The following ITPRIP variants were observed in gnomAD, a reference collection of about 807,000 sequenced individuals.
ITPRIP encodes inositol 1,4,5-trisphosphate receptor-interacting protein.
ITPRIP carries 32 observed loss-of-function variants against 35.8 expected under a neutral mutation model. That is an observed-to-expected ratio of 0.89 (90% CI 0.68 to 1.20). ITPRIP has a LOEUF of 1.20. Among genes scored for constraint, ITPRIP ranks in the 50% most tolerant of loss-of-function variants. The pLI is 0.00. For synonymous variants in ITPRIP, 358 were observed against 324.0 expected, an observed-to-expected ratio of 1.11 and a Z score of -1.13; for missense variants, 653 against 735.6, an observed-to-expected ratio of 0.89 and a Z score of 1.30.
chr10:104,322,937 A>G (rs1324914726), intron 1 of ITPRIP, among the ~76,000 whole-genome samples: 3 of 152,196 alleles, frequency 2.0e-5, no homozygotes, highest in African/African-American at 7.2e-5. Context: ...CTCCTTCTGT[A>G]TCCTGGCCTT....
rs759332872 is a variant in ITPRIP at position 104,314,833 on chromosome 10, T to G, written c.1219A>C (p.Ser407Arg). 1 of 1,613,770 alleles carries G rather than the reference T, an allele frequency of 6.2e-7. No homozygotes were observed. Among genetic ancestry groups the G allele is most frequent in the East Asian group, 2.2e-5 (1 of 44,876 alleles). Residue 407 changes from serine (S) to arginine (R), a missense_variant, in exon 2 of 2, where the codon AGC (serine) becomes CGC (arginine). Coordinates refer to ENST00000337478, the MANE Select transcript of ITPRIP (RefSeq NM_001272013.2). The stretch of plus-strand genomic sequence containing the variant: ...AGGAAGGATGCTATCTGCAGGCAGC[T>G]GAGGTGGCAGGCGCCCTCGGGCAGT... ...KALPEGACHL[S>R]CLQIASFLLS...
rs1040908069 is a variant in ITPRIP, at chr10:104,310,195, C to T, written c.*4213G>A. 1.3e-5 allele frequency: 2 copies of T among 152,332 alleles called. No individual in the cohort carries two copies. The highest frequency in any genetic ancestry group is 2.9e-5 in the Non-Finnish European group (2 of 68,136). 9.4% of individuals were successfully genotyped at this position (152,332 alleles called of 1,614,324 possible). ...ACCACGAAAATGTTCTGAATCACAGCCTTGGGGTGGCTTGAGTTAAGACTT... is the reference window on the plus strand; with the variant it reads ...ACCACGAAAATGTTCTGAATCACAGTCTTGGGGTGGCTTGAGTTAAGACTT... On this transcript the variant is annotated 3_prime_UTR_variant, in exon 2 of 2. Transcript: ENST00000337478.
At chr10:104,330,555 C>T (rs150679727) in intron 1 of ITPRIP, among the ~76,000 whole-genome samples, 2 of 152,312 alleles carry the variant, frequency 1.3e-5, no homozygotes, top group African/African-American at 4.8e-5. Flanking sequence ...TCCCTTCTTG[C>T]TCAAGCTTCT....
rs2013607101 is a variant in ITPRIP, at chr10:104,314,983, A to G, written c.1069T>C (p.Ser357Pro). ...NLIPVIQCDD[S>P]DLYFVSHLPR... ...AGGTGGGAGACAAAGTACAGGTCCG[A>G]GTCATCACACTGGATCACAGGAATC... Residue 357 changes from serine to proline, a missense_variant, in exon 2 of 2, where the codon TCG (serine) becomes CCG (proline). By Grantham distance (74) the Ser-to-Pro change is moderately conservative. Coordinates refer to ENST00000337478, the MANE Select transcript of ITPRIP (RefSeq NM_001272013.2). The G allele has an allele frequency of 6.2e-7, 1 of 1,613,982 alleles. No homozygotes were observed. Among genetic ancestry groups the G allele is most frequent in the East Asian group, 2.2e-5 (1 of 44,866 alleles).
chr10:104,331,760 G>T (rs2014155646), intron 1 of ITPRIP, among the ~76,000 whole-genome samples: 1 of 152,204 alleles, frequency 6.6e-6, no homozygotes, highest in African/African-American at 2.4e-5. Context: ...AACAGTGCTG[G>T]AAGGGAAAGC....
rs1395973795 is a variant in ITPRIP, at chr10:104,333,860, G to A, written c.-14+4386C>T. 1 of 152,746 alleles carries A rather than the reference G, an allele frequency of 6.5e-6. No homozygotes were observed. Among genetic ancestry groups the A allele is most frequent in the African/African-American group, 2.4e-5 (1 of 41,470 alleles). 9.5% of individuals were successfully genotyped at this position (152,746 alleles called of 1,614,324 possible). A position where few individuals can be genotyped will look rare whatever the true frequency, so the allele number is the denominator to read the frequency against. ...GGGGAAGTTGGGGCCCAAGTCGGCA[G>A]AGAATGCAGACCTCCAACCGACCTC... On this transcript the variant is annotated intron_variant, in intron 1 of 1. Coordinates refer to ENST00000337478, the MANE Select transcript of ITPRIP (RefSeq NM_001272013.2). The surrounding 1 kb of genome is among the most constrained non-coding windows in gnomAD (Gnocchi z 4.1).
chr10:104,314,738 C>T lies in ITPRIP; in HGVS notation c.1314G>A (p.Leu438=). 2 of 1,613,768 alleles carry T rather than the reference C, an allele frequency of 1.2e-6. No individual in the cohort carries two copies. The highest frequency in any genetic ancestry group is 1.7e-6 in the Non-Finnish European group (2 of 1,179,918). ...CGGCCTGCCGGAGGAGTAGGAGGTG[C>T]AGTAGGGCCGTCTTCAGGTGGTAGC... ...LSSYHLKTAL[L]HLLLLRQAAD... Residue 438 remains leucine, a synonymous_variant, in exon 2 of 2, where the codon CTG becomes CTA. Coordinates refer to ENST00000337478, the MANE Select transcript of ITPRIP (RefSeq NM_001272013.2).
At chr10:104,327,727 G>C (rs1315661941) in intron 1 of ITPRIP, among the ~76,000 whole-genome samples, 1 of 152,200 alleles carries the variant, frequency 6.6e-6, no homozygotes, top group Non-Finnish European at 1.5e-5. Flanking sequence ...CCCAACTGAG[G>C]CTGGTCCCAT....
chr10:104,337,625 A>G (rs910674982), intron 1 of ITPRIP, among the ~76,000 whole-genome samples: 2 of 152,116 alleles, frequency 1.3e-5, no homozygotes, highest in Non-Finnish European at 2.9e-5. Context: ...GTGAAGGGGC[A>G]GAGAGTTATT....
In ITPRIP at chr10:104,315,343, G is replaced by A. The variant is rs565040749; in HGVS notation, c.709C>T (p.Arg237Cys). The change falls in exon 2 of 2, where the codon CGC becomes TGC. Residue 237 changes from arginine (R) to cysteine (C), a missense_variant. Physicochemically the swap from Arg to Cys is radical, Grantham distance 180. Transcript: ENST00000337478. The surrounding 1 kb of genome is among the most constrained non-coding windows in gnomAD (Gnocchi z 5.7). ...WCSGRSVPLD[R>C]QGYGQIKVVR... ...ACCTTGATCTGGCCGTAGCCCTGGC[G>A]ATCCAGGGGCACTGAGCGGCCGGAG... is the stretch of plus-strand genomic sequence containing the variant. The A allele has an allele frequency of 3.8e-6, 6 of 1,563,152 alleles. No individual in the cohort carries two copies. The highest frequency in any genetic ancestry group is 2.4e-5 in the South Asian group (2 of 82,726).
chr10:104,326,237 C>T lies in ITPRIP; in HGVS notation c.-13-10173G>A, dbSNP rs988926514. The stretch of plus-strand genomic sequence containing the variant: ...GGTGGTCTGCCAGCCAGCAGAGGCA[C>T]AGGAAGGACAGAGGGCTGGACTCTG... On this transcript the variant is annotated intron_variant, in intron 1 of 1. Coordinates refer to ENST00000337478, the MANE Select transcript of ITPRIP (RefSeq NM_001272013.2). This position sits in a 1 kb window ranked among gnomAD's most constrained non-coding sequence, Gnocchi z 4.8. 4.6e-5 allele frequency: 7 copies of T among 152,398 alleles called. No individual in the cohort carries two copies. The highest frequency in any genetic ancestry group is 6.5e-5 in the Admixed American group (1 of 15,306). The allele number at this position is 152,398 out of a possible 1,614,324, so 9.4% of individuals were successfully genotyped here.
intron 1 of ITPRIP, among the ~76,000 whole-genome samples, chr10:104,316,282 G>C (rs992005619): frequency 6.6e-6 from 1 of 152,108 alleles, no homozygotes; most frequent in African/African-American, 2.4e-5. Flanking sequence ...GTCCTACCCA[G>C]ACATTCCTGG....
rs537256083 is a variant in ITPRIP, at chr10:104,314,851, C to T, written c.1201G>A (p.Glu401Lys). The change falls in exon 2 of 2, where the codon GAG becomes AAG. Residue 401 changes from glutamate to lysine, a missense_variant. Glu to Lys is a moderately conservative substitution (Grantham distance 56). Coordinates refer to ENST00000337478, the MANE Select transcript of ITPRIP (RefSeq NM_001272013.2). ...FLRTTLKALP[E>K]GACHLSCLQI... ...AGGCAGCTGAGGTGGCAGGCGCCCT[C>T]GGGCAGTGCCTTTAGTGTCGTCCTG... is the stretch of plus-strand genomic sequence containing the variant. 2.7e-5 allele frequency: 43 copies of T among 1,613,758 alleles called. No homozygotes were observed. Among genetic ancestry groups the T allele is most frequent in the East Asian group, 4.5e-5 (2 of 44,868 alleles).
Position 104,315,264 on chromosome 10 carries a change from C to A in ITPRIP, c.788G>T (p.Gly263Val). Reference sequence around the variant, plus strand: ...GTGCAGGAGACACAGCATGTCTTCCCCGAGCTTGGTCTTGCCGCAGATGCA... The same window carrying A: ...GTGCAGGAGACACAGCATGTCTTCCACGAGCTTGGTCTTGCCGCAGATGCA... ...LSCICGKTKL[G>V]EDMLCLLHGR... is the part of the protein sequence containing the mutation. Residue 263 changes from glycine (G) to valine (V), a missense_variant, in exon 2 of 2, where the codon GGG (glycine) becomes GTG (valine). Transcript: ENST00000337478. The surrounding 1 kb of genome is among the most constrained non-coding windows in gnomAD (Gnocchi z 5.7). 6.2e-7 allele frequency: 1 copy of A among 1,607,528 alleles called. No homozygotes were observed. The highest frequency in any genetic ancestry group is 8.5e-7 in the Non-Finnish European group (1 of 1,175,738).
At position 104,312,600 on chromosome 10, in the gene ITPRIP, G is replaced by A. The variant is rs1236278112; in HGVS notation, c.*1808C>T. ...AGTGCCCCGCAACTGCGTCTAGGGA[G>A]AGGCAGGCCCAAGCACATGTTCAGT... On this transcript the variant is annotated 3_prime_UTR_variant, in exon 2 of 2. Transcript: ENST00000337478. 2.0e-6 allele frequency: 2 copies of A among 985,266 alleles called. No individual in the cohort carries two copies. Among genetic ancestry groups the A allele is most frequent in the Non-Finnish European group, 2.4e-6 (2 of 829,874 alleles). 61.0% of individuals were successfully genotyped at this position (985,266 alleles called of 1,614,324 possible). A position where few individuals can be genotyped will look rare whatever the true frequency, so the allele number is the denominator to read the frequency against.
At position 104,315,838 on chromosome 10, in the gene ITPRIP, C is replaced by T; in HGVS notation, c.214G>A (p.Val72Met). The change falls in exon 2 of 2, where the codon GTG (valine) becomes ATG (methionine). Residue 72 changes from valine to methionine, a missense_variant. Val to Met is a conservative substitution (Grantham distance 21). Transcript: ENST00000337478. The surrounding 1 kb of genome is among the most constrained non-coding windows in gnomAD (Gnocchi z 5.7). ...TTCTGCTGCCTGCCCTCCTCCGCCA[C>T]CTGCTCCAGTGCCTCCTTTTCGGCC... ...LAAEKEALEQVAEEGRQQNET... is the reference protein window; with the variant it reads ...LAAEKEALEQMAEEGRQQNET... The T allele has an allele frequency of 6.2e-7, 1 of 1,613,172 alleles. No individual in the cohort carries two copies. Among genetic ancestry groups the T allele is most frequent in the Non-Finnish European group, 8.5e-7 (1 of 1,179,362 alleles).
At chr10:104,319,185 C>A (rs765079446) in intron 1 of ITPRIP, among the ~76,000 whole-genome samples, 3 of 152,246 alleles carry the variant, frequency 2.0e-5, no homozygotes, top group Non-Finnish European at 4.4e-5. Flanking sequence ...TGCGCTCCCA[C>A]GCTTTCCCTG....
chr10:104,336,709 C>T (rs145877108), intron 1 of ITPRIP, among the ~76,000 whole-genome samples: 1 of 152,144 alleles, frequency 6.6e-6, no homozygotes, highest in Non-Finnish European at 1.5e-5. Context: ...AGCCCAGACT[C>T]TTTCCTAACT....
At position 104,315,919 on chromosome 10, in the gene ITPRIP, G is replaced by C. The variant is rs1419827071; in HGVS notation, c.133C>G (p.Gln45Glu). The change falls in exon 2 of 2, where the codon CAG becomes GAG. Residue 45 changes from glutamine to glutamate, a missense_variant. Gln to Glu is a conservative substitution (Grantham distance 29). Coordinates refer to ENST00000337478, the MANE Select transcript of ITPRIP (RefSeq NM_001272013.2). This position sits in a 1 kb window ranked among gnomAD's most constrained non-coding sequence, Gnocchi z 5.7. ...AACTGCTCCAGCTGCAGCTTCTCCT[G>C]GTGCGCCTGCATCTTGCGGATGATC... is the stretch of plus-strand genomic sequence containing the variant. Reference protein sequence around the residue: ...EEIIRKMQAHQEKLQLEQLRL... With the variant: ...EEIIRKMQAHEEKLQLEQLRL... 1 of 1,613,830 alleles carries C rather than the reference G, an allele frequency of 6.2e-7. No individual in the cohort carries two copies. Among genetic ancestry groups the C allele is most frequent in the Non-Finnish European group, 8.5e-7 (1 of 1,180,022 alleles).
Sources: allele counts gnomAD v4.1 joint callset (sites outside exome capture counted in the v4.1 genomes callset), GRCh38; gene constraint gnomAD v4.1.1; non-coding constraint Gnocchi (gnomAD v3.1); transcripts MANE v1.5; gene names NCBI Gene and HGNC (gene_info 2026-07-23, HGNC 2026-07-21).